The following BAIAP2L1 variants were observed in gnomAD, a reference collection of about 807,000 sequenced individuals.
The protein encoded by BAIAP2L1 is BAR/IMD domain-containing adapter protein 2-like 1.
A neutral mutation model predicts 66.3 loss-of-function variants in BAIAP2L1; 35 were observed. That is an observed-to-expected ratio of 0.53 (90% CI 0.40 to 0.70). The LOEUF (loss-of-function observed/expected upper bound fraction) is 0.70. Among genes scored for constraint, BAIAP2L1 ranks in the 30% least tolerant of loss-of-function variants. The pLI is 0.00. For synonymous variants in BAIAP2L1, 269 were observed against 248.7 expected (o/e 1.08, Z -0.77); for missense variants, 622 against 656.9 (o/e 0.95, Z 0.58).
At chr7:98,383,795 A>C (rs10953259) in intron 1 of BAIAP2L1, among the ~76,000 whole-genome samples, 122,707 of 152,114 alleles carry the variant, frequency 0.81, 49,593 homozygotes, top group Middle Eastern at 0.83. Context: ...TTTCTGCAAC[A>C]TTTATTATTA....
At chr7:98,363,592 C>T (rs1802321893) in intron 1 of BAIAP2L1, among the ~76,000 whole-genome samples, 2 of 152,150 alleles carry the variant, frequency 1.3e-5, no homozygotes, top group Admixed American at 1.3e-4. Flanking sequence ...AATACCCTAA[C>T]TTTGAAGTAC....
At chr7:98,342,077 A>C (rs1207473066) in intron 3 of BAIAP2L1, among the ~76,000 whole-genome samples, 1 of 123,944 alleles carries the variant, frequency 8.1e-6, no homozygotes, top group Non-Finnish European at 1.6e-5. Flanking sequence ...ATAAAGACAG[A>C]GTCTTGCTCT....
At chr7:98,298,428 C>T (rs544572798) in intron 12 of BAIAP2L1, among the ~76,000 whole-genome samples, 8 of 152,280 alleles carry the variant, frequency 5.3e-5, no homozygotes, top group South Asian at 4.1e-4. Flanking sequence ...CTGGCTAACA[C>T]GGTGAAACCC....
chr7:98,388,296 A>G (rs1208676013), intron 1 of BAIAP2L1, among the ~76,000 whole-genome samples: 1 of 152,242 alleles, frequency 6.6e-6, no homozygotes, highest in Non-Finnish European at 1.5e-5. Flanking sequence ...GGATGACACA[A>G]AGGATGCACT....
At chr7:98,381,898 C>T (rs1196415278) in intron 1 of BAIAP2L1, among the ~76,000 whole-genome samples, 2 of 151,086 alleles carry the variant, frequency 1.3e-5, no homozygotes, top group Admixed American at 6.7e-5. Context: ...CCAGAGCTAC[C>T]CCCACCCACA....
chr7:98,365,627 C>T (rs113464018), intron 1 of BAIAP2L1, among the ~76,000 whole-genome samples: 13 of 152,200 alleles, frequency 8.5e-5, no homozygotes, highest in Admixed American at 2.0e-4. Flanking sequence ...CACAGGCATG[C>T]GCCACCACGC....
In BAIAP2L1 at chr7:98,315,614, T is replaced by TA. The variant is rs80039560; in HGVS notation, c.487-3dup. 17,161 of 751,194 alleles carry TA rather than the reference T, an allele frequency of 0.023. 22 individuals are homozygous for TA. The highest frequency in any genetic ancestry group is 0.058 in the Admixed American group (1,297 of 22,508). 46.5% of individuals were successfully genotyped at this position (751,194 alleles called of 1,614,324 possible). ...ACGAGAAGTAACGGTCTCCACATAC[T>TA]AAAAAAAAAAAAATAATAATAATAA... On this transcript the variant is annotated splice_polypyrimidine_tract_variant and splice_region_variant and intron_variant, in intron 6 of 13. Coordinates refer to ENST00000005260, the MANE Select transcript of BAIAP2L1 (RefSeq NM_018842.5).
chr7:98,353,334 TATATAA>T (rs1351921509), intron 3 of BAIAP2L1, among the ~76,000 whole-genome samples: 2 of 139,484 alleles, frequency 1.4e-5, no homozygotes, highest in African/African-American at 5.3e-5. Context: ...TATATATAAA[TATATAA>T]ATATATTTAT....
At chr7:98,386,082 G>T (rs879006065) in intron 1 of BAIAP2L1, 4 of 1,514,972 alleles carry the variant, frequency 2.6e-6, no homozygotes, top group African/African-American at 1.5e-5. Flanking sequence ...TCATGATTTC[G>T]ATCATCTTCT....
At chr7:98,310,259 G>A (rs1051243200) in intron 9 of BAIAP2L1, 186 bp downstream of exon 9, 2 of 562,624 alleles carry the variant, frequency 3.6e-6, no homozygotes, top group Non-Finnish European at 6.0e-6. Flanking sequence ...TTATCAGAGC[G>A]TCTCACAGTC....
chr7:98,310,515 A>G lies in BAIAP2L1; in HGVS notation c.885T>C (p.Ser295=). 1 of 1,606,482 alleles carries G rather than the reference A, an allele frequency of 6.2e-7. No homozygotes were observed. The highest frequency in any genetic ancestry group is 2.2e-5 in the East Asian group (1 of 44,672). The change falls in exon 9 of 14, where the codon AGT becomes AGC. Residue 295 remains serine, a synonymous_variant. Transcript: ENST00000005260. ...GGTTATTAAACATATCGATCAAGGG[A>G]CTGGTATATGCTCTGCCTGAAGGAG... ...PPAPSGRAYT[S]PLIDMFNNPA... is the part of the protein sequence containing the mutation.
intron 7 of BAIAP2L1, among the ~76,000 whole-genome samples, chr7:98,315,008 TATGTTC>T (rs1801021461): frequency 6.6e-6 from 1 of 152,252 alleles, no homozygotes; most frequent in Non-Finnish European, 1.5e-5. Flanking sequence ...TATAAGTTTA[TATGTTC>T]AAGTTGGCCA....
At chr7:98,374,456 GCAGCGAGAGGTGGGGTGGAGTCAGCTC>G in intron 1 of BAIAP2L1, among the ~76,000 whole-genome samples, 1 of 152,234 alleles carries the variant, frequency 6.6e-6, no homozygotes, top group South Asian at 2.1e-4. Flanking sequence ...GGTCCTACCA[GCAGCGAGAGGTGGGGTGGAGTCAGCTC>G]CAGGCAGTTT....
At position 98,316,374 on chromosome 7, in the gene BAIAP2L1, A is replaced by G. The variant is rs1801075778; in HGVS notation, c.487-762T>C. Among the ~76,000 whole-genome samples the G allele has an allele frequency of 2.0e-5, 3 of 152,204 alleles. No individual in the cohort carries two copies. In the South Asian group the frequency reaches 6.2e-4, roughly 32 times the overall value. ...CCTAAGCCTCATTTTCCCCATCTGT[A>G]CAATGGGAATAGTAACACTGATCAT... On this transcript the variant is annotated intron_variant, in intron 6 of 13. Coordinates refer to ENST00000005260, the MANE Select transcript of BAIAP2L1 (RefSeq NM_018842.5).
In BAIAP2L1 at chr7:98,387,880, AAACAAC is replaced by A. The variant is rs35754545; in HGVS notation, c.51+12916_51+12921del. Among the ~76,000 whole-genome samples the A allele has an allele frequency of 4.6e-5, 7 of 151,838 alleles. 1 individual carries two copies. The highest frequency in any genetic ancestry group is 1.7e-4 in the African/African-American group (7 of 41,402). The stretch of plus-strand genomic sequence containing the variant: ...TAAGACCCTGTCTCAAAACAAAACA[AAACAAC>A]AACAACAGAAACCAACAACCAAAAA... On this transcript the variant is annotated intron_variant, in intron 1 of 13. Coordinates refer to ENST00000005260, the MANE Select transcript of BAIAP2L1 (RefSeq NM_018842.5).
At chr7:98,379,121 C>A (rs574695582) in intron 1 of BAIAP2L1, among the ~76,000 whole-genome samples, 1 of 152,120 alleles carries the variant, frequency 6.6e-6, no homozygotes, top group Non-Finnish European at 1.5e-5. Context: ...TCAGGCGATC[C>A]GCCCGCTTCA....
chr7:98,378,864 T>A (rs1802692569), intron 1 of BAIAP2L1, among the ~76,000 whole-genome samples: 1 of 151,892 alleles, frequency 6.6e-6, no homozygotes, highest in African/African-American at 2.4e-5. Flanking sequence ...GGAGTCTCGC[T>A]CTGTTGCTCA....
At chr7:98,386,977 G>A (rs1802910206) in intron 1 of BAIAP2L1, among the ~76,000 whole-genome samples, 1 of 152,086 alleles carries the variant, frequency 6.6e-6, no homozygotes, top group Non-Finnish European at 1.5e-5. Context: ...GGGATTACAG[G>A]CGTGAGCCAC....
intron 11 of BAIAP2L1, among the ~76,000 whole-genome samples, chr7:98,305,617 C>T (rs921830136): frequency 6.6e-6 from 1 of 151,980 alleles, no homozygotes; most frequent in African/African-American, 2.4e-5. Context: ...AGATGGGGAT[C>T]TTGCTATGTT....
Sources: gnomAD v4.1 joint callset for allele counts (sites outside exome capture counted in the v4.1 genomes callset) on GRCh38, gnomAD v4.1.1 for gene constraint, MANE v1.5 for transcripts, NCBI Gene and HGNC (gene_info 2026-07-23, HGNC 2026-07-21) for gene names.